The following DSCAM variants were observed in gnomAD, a reference collection of about 807,000 sequenced individuals.
DSCAM encodes the protein DS cell adhesion molecule, also known as cell adhesion molecule DSCAM.
Under a neutral mutation model 217.7 loss-of-function variants are expected in DSCAM, and 47 were observed. The ratio of observed to expected loss-of-function variants is 0.22; its 90% confidence interval spans 0.17 to 0.28. The LOEUF (loss-of-function observed/expected upper bound fraction) is 0.28. Among genes scored for constraint, DSCAM ranks in the 10% least tolerant of loss-of-function variants. The pLI is 1.00. For synonymous variants in DSCAM, 1,056 were observed against 1,015.3 expected (o/e 1.04, Z -0.76); for missense variants, 2,080 against 2,618.3 (o/e 0.79, Z 4.49).
intron 3 of DSCAM, among the ~76,000 whole-genome samples, chr21:40,593,195 C>A (rs1225006753): frequency 6.6e-6 from 1 of 152,018 alleles, no homozygotes; most frequent in Non-Finnish European, 1.5e-5. Context: ...TTTATTAAGT[C>A]TGTGCTATTA....
At chr21:40,613,859 G>C (rs2089349330) in intron 3 of DSCAM, among the ~76,000 whole-genome samples, 1 of 151,660 alleles carries the variant, frequency 6.6e-6, no homozygotes, top group Non-Finnish European at 1.5e-5. Flanking sequence ...GTGCCCATTT[G>C]CTGATTGCTT....
At chr21:40,504,550 C>A (rs368375257) in intron 3 of DSCAM, among the ~76,000 whole-genome samples, 46 of 152,310 alleles carry the variant, frequency 3.0e-4, no homozygotes, top group African/African-American at 1.1e-3. Context: ...GCATGACACT[C>A]GTTTTAGAAA....
intron 1 of DSCAM, among the ~76,000 whole-genome samples, chr21:40,822,318 CAAAAAAAAAAAAAA>C (rs61569827): frequency 5.2e-5 from 3 of 57,832 alleles, no homozygotes; most frequent in South Asian, 1.1e-3. Flanking sequence ...GATCTTTTCT[CAAAAAAAAAAAAAA>C]AAAAAAAAAA....
At chr21:40,228,893 C>G (rs1414991194) in intron 11 of DSCAM, among the ~76,000 whole-genome samples, 1 of 152,250 alleles carries the variant, frequency 6.6e-6, no homozygotes, top group Non-Finnish European at 1.5e-5. Context: ...TGTGTGTATA[C>G]TAACACATGT....
At chr21:40,293,615 T>G (rs2073920482) in intron 10 of DSCAM, among the ~76,000 whole-genome samples, 2 of 151,786 alleles carry the variant, frequency 1.3e-5, no homozygotes, top group Non-Finnish European at 2.9e-5. Flanking sequence ...AGTCACGGAG[T>G]TCAAGGCCAG....
chr21:40,789,851 G>A (rs1315052142), intron 1 of DSCAM, among the ~76,000 whole-genome samples: 3 of 152,114 alleles, frequency 2.0e-5, no homozygotes, highest in Admixed American at 6.5e-5. Flanking sequence ...CACCGTGCCC[G>A]GCCTCTGCTG....
At chr21:40,748,085 T>C (rs749075845) in intron 1 of DSCAM, among the ~76,000 whole-genome samples, 5 of 151,908 alleles carry the variant, frequency 3.3e-5, no homozygotes, top group Non-Finnish European at 5.9e-5. Flanking sequence ...AAAGGCCATA[T>C]ATGACAAATC....
chr21:40,321,430 G>A (rs1569062217), intron 8 of DSCAM, among the ~76,000 whole-genome samples: 1 of 152,122 alleles, frequency 6.6e-6, no homozygotes, highest in Non-Finnish European at 1.5e-5. Context: ...TTGGTTGCAA[G>A]AAGCTTCGAA....
chr21:40,022,132 T>A (rs2088283645), intron 32 of DSCAM, among the ~76,000 whole-genome samples: 1 of 152,238 alleles, frequency 6.6e-6, no homozygotes, highest in Non-Finnish European at 1.5e-5. Context: ...TGGTTCTTGC[T>A]ATCTCCCAGG....
At chr21:40,794,638 A>C (rs2091675065) in intron 1 of DSCAM, among the ~76,000 whole-genome samples, 1 of 151,596 alleles carries the variant, frequency 6.6e-6, no homozygotes, top group African/African-American at 2.4e-5. Context: ...CCCTTGGTCT[A>C]TACTCCTTCT....
chr21:40,820,124 G>A (rs56112075), intron 1 of DSCAM, among the ~76,000 whole-genome samples: 1,859 of 152,092 alleles, frequency 0.012, 30 homozygotes, highest in African/African-American at 0.043. Context: ...ATACCCAGAG[G>A]GTTATAAATC....
chr21:40,308,939 T>C (rs1436649156), intron 9 of DSCAM, among the ~76,000 whole-genome samples: 8 of 152,156 alleles, frequency 5.3e-5, no homozygotes, highest in Non-Finnish European at 1.0e-4. Flanking sequence ...TTATACTACT[T>C]TGAACGTACT....
Position 40,262,949 on chromosome 21 carries a change from G to A in DSCAM, c.2356+13148C>T, listed in dbSNP as rs75062867. On this transcript the variant is annotated intron_variant, in intron 11 of 32. Coordinates refer to ENST00000400454, the MANE Select transcript of DSCAM (RefSeq NM_001389.5). ...TTGCCATTGGCCATCTCACCATGAG[G>A]CTGTTAATTTTGCAAAAATATTCAA... Among the ~76,000 whole-genome samples the A allele has an allele frequency of 6.2e-3, 941 of 152,306 alleles. 4 individuals carry two copies. Among genetic ancestry groups the A allele is most frequent in the Middle Eastern group, 0.034 (10 of 294 alleles).
intron 20 of DSCAM, among the ~76,000 whole-genome samples, chr21:40,120,766 G>A (rs1322770506): frequency 1.3e-5 from 2 of 152,154 alleles, no homozygotes; most frequent in Non-Finnish European, 2.9e-5. Flanking sequence ...TTCATTCTCA[G>A]TTACCCTAAC....
intron 27 of DSCAM, among the ~76,000 whole-genome samples, chr21:40,070,880 T>C (rs2837422): frequency 0.2 from 31,058 of 152,214 alleles, 3,875 homozygotes; most frequent in East Asian, 0.37. Flanking sequence ...TGATCAGTTT[T>C]GTAACAATCC....
chr21:40,803,240 G>A (rs1231682772), intron 1 of DSCAM, among the ~76,000 whole-genome samples: 1 of 152,166 alleles, frequency 6.6e-6, no homozygotes, highest in Non-Finnish European at 1.5e-5. Context: ...ATACAGATGT[G>A]ATCACTGGCT....
At chr21:40,598,665 C>T (rs573983532) in intron 3 of DSCAM, among the ~76,000 whole-genome samples, 5 of 151,868 alleles carry the variant, frequency 3.3e-5, no homozygotes, top group South Asian at 2.1e-4. Context: ...CCATGACACC[C>T]GGCTAATTTT....
intron 32 of DSCAM, among the ~76,000 whole-genome samples, chr21:40,040,745 C>A (rs1377340234): frequency 6.6e-6 from 1 of 152,178 alleles, no homozygotes; most frequent in Non-Finnish European, 1.5e-5. Context: ...AGTACACAGT[C>A]ACCAACGCCA....
intron 20 of DSCAM, among the ~76,000 whole-genome samples, chr21:40,094,428 AG>A (rs1013415074): frequency 1.3e-5 from 2 of 152,188 alleles, no homozygotes; most frequent in Non-Finnish European, 2.9e-5. Context: ...GAAGGAAGCT[AG>A]AGTTCACAAG....
Sources: gnomAD v4.1 joint callset for allele counts (sites outside exome capture counted in the v4.1 genomes callset) on GRCh38, gnomAD v4.1.1 for gene constraint, MANE v1.5 for transcripts, NCBI Gene and HGNC (gene_info 2026-07-23, HGNC 2026-07-21) for gene names.